Variants in RGS7 observed in about 807,000 individuals in gnomAD.
RGS7 encodes regulator of G-protein signaling 7.
In RGS7, 27 loss-of-function variants were observed where a neutral mutation model predicts 81.1. That is an observed-to-expected ratio of 0.33 (90% CI 0.25 to 0.46). The LOEUF (loss-of-function observed/expected upper bound fraction) is 0.46. RGS7 is among the 20% of genes least tolerant of loss of function. The pLI, the probability that RGS7 is intolerant of heterozygous loss-of-function variation, is 1.00. For missense variants in RGS7, 396 were observed against 607.4 expected (o/e 0.65, Z 3.66); for synonymous variants, 208 against 207.7 (o/e 1.00, Z -0.01).
intron 2 of RGS7, among the ~76,000 whole-genome samples, chr1:241,302,549 AAAACAAAC>A (rs898972958): frequency 1.3e-5 from 2 of 152,160 alleles, no homozygotes; most frequent in Non-Finnish European, 2.9e-5. Flanking sequence ...ACTCTGTCTC[AAAACAAAC>A]AAACAAACAA....
chr1:241,016,397 A>G (rs1352183136), intron 3 of RGS7, among the ~76,000 whole-genome samples: 2 of 152,108 alleles, frequency 1.3e-5, no homozygotes, highest in African/African-American at 2.4e-5. Context: ...ATGCACCTGT[A>G]GTCTCAGCTA....
chr1:240,983,516 C>A (rs1463672128), intron 3 of RGS7, among the ~76,000 whole-genome samples: 1 of 152,198 alleles, frequency 6.6e-6, no homozygotes, highest in Non-Finnish European at 1.5e-5. Flanking sequence ...GTACCCACCT[C>A]ATCCTTGTAT....
At chr1:241,327,004 A>G (rs530970683) in intron 2 of RGS7, among the ~76,000 whole-genome samples, 172 of 3,342 alleles carry the variant, frequency 0.051, 3 homozygotes, top group African/African-American at 0.097. Flanking sequence ...AGAAGGAAGG[A>G]AGGAAGGAAG....
intron 3 of RGS7, among the ~76,000 whole-genome samples, chr1:241,027,902 C>T (rs2059872966): frequency 6.6e-6 from 1 of 152,106 alleles, no homozygotes; most frequent in Non-Finnish European, 1.5e-5. Context: ...TTTGAAGCTA[C>T]AGGATTATAC....
intron 18 of RGS7, among the ~76,000 whole-genome samples, chr1:240,793,611 A>ATATTTTTT: frequency 1.0e-4 from 8 of 78,808 alleles, no homozygotes; most frequent in African/African-American, 5.8e-4. Context: ...ATATATATAT[A>ATATTTTTT]TTTTTTTTTT....
chr1:240,902,592 T>A (rs1193248899), intron 6 of RGS7, among the ~76,000 whole-genome samples: 1 of 152,206 alleles, frequency 6.6e-6, no homozygotes, highest in Non-Finnish European at 1.5e-5. Flanking sequence ...TCATATATTT[T>A]AATTTTTTAA....
chr1:240,965,970 C>T (rs183024583), intron 4 of RGS7, among the ~76,000 whole-genome samples: 204 of 152,168 alleles, frequency 1.3e-3, no homozygotes, highest in African/African-American at 4.8e-3. Flanking sequence ...GGAAATTTAC[C>T]TATTGTAGAG....
chr1:241,138,124 A>G (rs2067655292), intron 2 of RGS7, among the ~76,000 whole-genome samples: 1 of 150,802 alleles, frequency 6.6e-6, no homozygotes, highest in Non-Finnish European at 1.5e-5. Flanking sequence ...GTAAGTTGAG[A>G]TCATGCCACT....
intron 3 of RGS7, among the ~76,000 whole-genome samples, chr1:240,994,437 A>T (rs1189149554): frequency 6.6e-6 from 1 of 152,190 alleles, no homozygotes; most frequent in African/African-American, 2.4e-5. Flanking sequence ...AATTTTAAAC[A>T]GTATTGTGTT....
chr1:241,132,825 C>T (rs2067212532), intron 2 of RGS7, among the ~76,000 whole-genome samples: 1 of 152,182 alleles, frequency 6.6e-6, no homozygotes, highest in South Asian at 2.1e-4. Context: ...TGCAGTGGCA[C>T]AATCTCGGCT....
At chr1:241,107,270 G>A (rs2065184155) in intron 2 of RGS7, among the ~76,000 whole-genome samples, 1 of 152,118 alleles carries the variant, frequency 6.6e-6, no homozygotes, top group East Asian at 1.9e-4. Flanking sequence ...TTTACAGTTT[G>A]TGAAATTAAA....
rs762034711 is a variant in RGS7 at position 240,868,902 on chromosome 1, C to G, written c.451-50G>C. The G allele has an allele frequency of 1.3e-6, 2 of 1,518,414 alleles. No homozygotes were observed. The allele number at this position is 1,518,414 out of a possible 1,614,324, so 94.1% of individuals were successfully genotyped here. ...ACATTTGGTGTTCATTGTCACTGCT[C>G]TCTTCTAGCTTAGTTACCACTTGTA... On this transcript the variant is annotated intron_variant, in intron 7 of 18. Transcript: ENST00000440928. The surrounding 1 kb of genome is among the most constrained non-coding windows in gnomAD (Gnocchi z 5.1).
intron 15 of RGS7, among the ~76,000 whole-genome samples, chr1:240,804,598 T>C (rs528273679): frequency 1.5e-3 from 222 of 152,276 alleles, no homozygotes; most frequent in Non-Finnish European, 2.6e-3. Flanking sequence ...ATGACACCGA[T>C]AACTAAAAAA....
Position 241,271,089 on chromosome 1 carries a change from C to T in RGS7, c.78+84610G>A, listed in dbSNP as rs1039019672. ...CCTACTTTAAGTATCGCTGCAGTGG[C>T]GAAAGCATTCATCATTGCCGACCTG... On this transcript the variant is annotated intron_variant, in intron 2 of 18. Transcript: ENST00000440928. This position sits in a 1 kb window ranked among gnomAD's most constrained non-coding sequence, Gnocchi z 4.6. Among the ~76,000 whole-genome samples the T allele has an allele frequency of 2.0e-5, 3 of 152,120 alleles. No individual in the cohort carries two copies. The highest frequency in any genetic ancestry group is 2.1e-4 in the South Asian group (1 of 4,820).
intron 2 of RGS7, among the ~76,000 whole-genome samples, chr1:241,316,938 T>C (rs1476350967): frequency 3.9e-5 from 6 of 152,220 alleles, no homozygotes. Flanking sequence ...TGTAAAGTAA[T>C]ATGTAATAGT....
chr1:241,109,586 A>G, intron 2 of RGS7, among the ~76,000 whole-genome samples: 1 of 152,146 alleles, frequency 6.6e-6, no homozygotes, highest in African/African-American at 2.4e-5. Flanking sequence ...TTTACTTTAC[A>G]TACTTCTTTG....
chr1:240,960,034 C>T (rs1033975547), intron 4 of RGS7, among the ~76,000 whole-genome samples: 26 of 151,656 alleles, frequency 1.7e-4, no homozygotes, highest in Non-Finnish European at 3.4e-4. Flanking sequence ...GTGGCGTGTG[C>T]CTGCAGTCCC....
intron 3 of RGS7, among the ~76,000 whole-genome samples, chr1:241,090,742 C>T (rs1360328648): frequency 1.3e-5 from 2 of 152,080 alleles, no homozygotes; most frequent in Non-Finnish European, 2.9e-5. Flanking sequence ...ATATAATCTC[C>T]AAATTTTACA....
At chr1:241,227,095 C>T (rs2075351431) in intron 2 of RGS7, among the ~76,000 whole-genome samples, 1 of 152,080 alleles carries the variant, frequency 6.6e-6, no homozygotes, top group African/African-American at 2.4e-5. Flanking sequence ...ACTCCAAGGA[C>T]CTTAAAATTC....
Sources: gnomAD v4.1 joint callset for allele counts (sites outside exome capture counted in the v4.1 genomes callset) on GRCh38, gnomAD v4.1.1 for gene constraint, Gnocchi (gnomAD v3.1) non-coding constraint, MANE v1.5 for transcripts, NCBI Gene and HGNC (gene_info 2026-07-23, HGNC 2026-07-21) for gene names.